Variants in ARHGAP15 observed in about 807,000 individuals in gnomAD.
The protein encoded by ARHGAP15 is Rho GTPase activating protein 15.
ARHGAP15 carries 51 observed loss-of-function variants against 63.7 expected under a neutral mutation model. The observed-to-expected ratio is 0.80, with a 90% CI of 0.64 to 1.01. The LOEUF (loss-of-function observed/expected upper bound fraction) is 1.01. Ranked by LOEUF, ARHGAP15 falls within the 50% of genes least tolerant of loss-of-function variation. ARHGAP15 has a pLI of 0.00. For synonymous variants in ARHGAP15, 191 were observed against 193.8 expected (o/e 0.99, Z 0.12); for missense variants, 560 against 564.6 (o/e 0.99, Z 0.08).
At chr2:143,318,621 A>G (rs1356710996) in intron 6 of ARHGAP15, among the ~76,000 whole-genome samples, 2 of 149,576 alleles carry the variant, frequency 1.3e-5, no homozygotes, top group Admixed American at 6.7e-5. Flanking sequence ...TTACAGGCAC[A>G]AGTCTTTTAA....
intron 10 of ARHGAP15, among the ~76,000 whole-genome samples, chr2:143,521,254 T>C (rs1167391659): frequency 6.6e-6 from 1 of 152,160 alleles, no homozygotes; most frequent in Non-Finnish European, 1.5e-5. Context: ...AGCATCAGCT[T>C]AAAGGAACCC....
At chr2:143,605,119 G>A (rs1329393125) in intron 11 of ARHGAP15, among the ~76,000 whole-genome samples, 1 of 152,070 alleles carries the variant, frequency 6.6e-6, no homozygotes, top group Non-Finnish European at 1.5e-5. Context: ...ATGTTGGCCA[G>A]GTGGGTCTTG....
chr2:143,316,590 TATATATATTTTA>T (rs1047768971), intron 6 of ARHGAP15, among the ~76,000 whole-genome samples: 1 of 146,034 alleles, frequency 6.8e-6, no homozygotes, highest in Admixed American at 7.1e-5. Flanking sequence ...ATATATATGT[TATATATATTTTA>T]ATATATATAA....
At chr2:143,459,512 G>C (rs1267446131) in intron 8 of ARHGAP15, among the ~76,000 whole-genome samples, 2 of 152,024 alleles carry the variant, frequency 1.3e-5, no homozygotes, top group African/African-American at 4.8e-5. Flanking sequence ...TAATCATGTA[G>C]ATATAAAAGC....
chr2:143,463,657 T>A (rs1335640387), intron 8 of ARHGAP15, among the ~76,000 whole-genome samples: 1 of 152,194 alleles, frequency 6.6e-6, no homozygotes, highest in Non-Finnish European at 1.5e-5. Context: ...TTACTGGTAG[T>A]GGTACTGCTT....
At chr2:143,516,050 A>C (rs140531689) in intron 9 of ARHGAP15, among the ~76,000 whole-genome samples, 1 of 152,214 alleles carries the variant, frequency 6.6e-6, no homozygotes, top group Non-Finnish European at 1.5e-5. Context: ...GAAGGGAAGC[A>C]CTCAAGGCTG....
rs35469918 is a variant in ARHGAP15, at chr2:143,510,018, T to TAAAAAAA, written c.827-9225_827-9219dup. On this transcript the variant is annotated intron_variant, in intron 9 of 13. Coordinates refer to ENST00000295095, the MANE Select transcript of ARHGAP15 (RefSeq NM_018460.4). ...CTGGCGACAGAGTAAGACTCCCTCTTAAAAAAAAAAAAAAAAAAAAAAAAA... is the reference window on the plus strand; with the variant it reads ...CTGGCGACAGAGTAAGACTCCCTCTTAAAAAAAAAAAAAAAAAAAAAAAAAAAAAAAA... Among the ~76,000 whole-genome samples the TAAAAAAA allele has an allele frequency of 1.9e-3, 91 of 48,826 alleles. 2 individuals are homozygous for TAAAAAAA. Among genetic ancestry groups the TAAAAAAA allele is most frequent in the African/African-American group, 5.6e-3 (72 of 12,782 alleles). 32.0% of individuals were successfully genotyped at this position (48,826 alleles called of 152,430 possible). A position where few individuals can be genotyped will look rare whatever the true frequency, so the allele number is the denominator to read the frequency against.
At chr2:143,367,374 C>A (rs1265686301) in intron 6 of ARHGAP15, among the ~76,000 whole-genome samples, 2 of 151,746 alleles carry the variant, frequency 1.3e-5, no homozygotes, top group Non-Finnish European at 2.9e-5. Context: ...CTTTATTTGC[C>A]ATCTTTCCTT....
At chr2:143,286,653 T>C (rs1682118238) in intron 6 of ARHGAP15, among the ~76,000 whole-genome samples, 1 of 152,158 alleles carries the variant, frequency 6.6e-6, no homozygotes, top group Non-Finnish European at 1.5e-5. Context: ...AAAGAGAATC[T>C]CAGTAACTAT....
At chr2:143,741,733 G>A (rs796602641) in intron 13 of ARHGAP15, among the ~76,000 whole-genome samples, 9 of 152,338 alleles carry the variant, frequency 5.9e-5, no homozygotes, top group African/African-American at 2.2e-4. Flanking sequence ...CAGGCAGCCT[G>A]GAGACTTGAG....
rs751971221 is a variant in ARHGAP15, at chr2:143,487,418, G to A, written c.749G>A (p.Arg250Gln). The A allele has an allele frequency of 1.2e-5, 20 of 1,613,536 alleles. No individual in the cohort carries two copies. The highest frequency in any genetic ancestry group is 1.1e-4 in the East Asian group (5 of 44,852). Reference sequence around the variant, plus strand: ...GCTTCCGATACAAGCGACAAAAATCGAGTTAAAAGCAGATTAAAGAAGTTT... The same window carrying A: ...GCTTCCGATACAAGCGACAAAAATCAAGTTAAAAGCAGATTAAAGAAGTTT... ...HSASDTSDKNRVKSRLKKFIT... is the reference protein window; with the variant it reads ...HSASDTSDKNQVKSRLKKFIT... Residue 250 changes from arginine to glutamine, a missense_variant, in exon 9 of 14, where the codon CGA becomes CAA. By Grantham distance (43) the Arg-to-Gln change is conservative. Transcript: ENST00000295095.
Position 143,173,316 on chromosome 2 carries a change from A to G in ARHGAP15, c.165+17661A>G, listed in dbSNP as rs370135316. ...GTAGTATTTATAATTATATATTTAA[A>G]TGTATGTTTTGATAAAAACTAAGCA... On this transcript the variant is annotated intron_variant, in intron 2 of 13. Coordinates refer to ENST00000295095, the MANE Select transcript of ARHGAP15 (RefSeq NM_018460.4). Among the ~76,000 whole-genome samples the G allele has an allele frequency of 1.7e-4, 26 of 152,214 alleles. No homozygotes were observed. The East Asian group carries it at 4.6e-3, about 27-fold the overall frequency.
chr2:143,434,643 A>G (rs1396781028), intron 6 of ARHGAP15, among the ~76,000 whole-genome samples: 1 of 152,168 alleles, frequency 6.6e-6, no homozygotes, highest in East Asian at 1.9e-4. Flanking sequence ...TCAGTCCTCT[A>G]AACCCCTGAA....
intron 10 of ARHGAP15, among the ~76,000 whole-genome samples, chr2:143,552,195 T>G (rs2105076387): frequency 6.6e-6 from 1 of 152,296 alleles, no homozygotes; most frequent in South Asian, 2.1e-4. Flanking sequence ...ATTTGCAGAC[T>G]GTAGAGGTTC....
At position 143,703,521 on chromosome 2, in the gene ARHGAP15, C is replaced by G. The variant is rs199902781; in HGVS notation, c.1241C>G (p.Thr414Ser). The G allele has an allele frequency of 1.2e-4, 188 of 1,603,156 alleles. No homozygotes were observed. The highest frequency in any genetic ancestry group is 1.7e-4 in the Middle Eastern group (1 of 6,032). The change falls in exon 13 of 14, where the codon ACT becomes AGT. Residue 414 changes from threonine to serine, a missense_variant. Physicochemically the swap from Thr to Ser is moderately conservative, Grantham distance 58. Transcript: ENST00000295095. ...ATGAAAGTCCTCTTTGGACATCTAACTAAGTAAGTTGTAAGGATTTCTGGA... is the reference window on the plus strand; with the variant it reads ...ATGAAAGTCCTCTTTGGACATCTAAGTAAGTAAGTTGTAAGGATTTCTGGA... ...DTMKVLFGHL[T>S]KIVAKASKNL... is the part of the protein sequence containing the mutation.
intron 2 of ARHGAP15, among the ~76,000 whole-genome samples, chr2:143,171,581 G>T (rs936227653): frequency 7.2e-5 from 11 of 152,080 alleles, no homozygotes; most frequent in Admixed American, 5.9e-4. Flanking sequence ...CGACAACCAG[G>T]CTGGGAAAGT....
chr2:143,308,157 G>T (rs1350660870), intron 6 of ARHGAP15, among the ~76,000 whole-genome samples: 3 of 152,060 alleles, frequency 2.0e-5, no homozygotes, highest in Non-Finnish European at 4.4e-5. Context: ...GAGAGAAACA[G>T]AATGGGAATG....
At chr2:143,526,101 G>A (rs1181860977) in intron 10 of ARHGAP15, among the ~76,000 whole-genome samples, 1 of 152,118 alleles carries the variant, frequency 6.6e-6, no homozygotes, top group Non-Finnish European at 1.5e-5. Context: ...CACAAACTCT[G>A]TATACGGAGC....
In ARHGAP15 at chr2:143,227,034, A is replaced by G. The variant is rs192742070; in HGVS notation, c.297-1547A>G. Reference sequence around the variant, plus strand: ...ATAAAGTCTTTCCATAAACTTAAAAAAAAATCACTTTTGTGAAATGAATTC... The same window carrying G: ...ATAAAGTCTTTCCATAAACTTAAAAGAAAATCACTTTTGTGAAATGAATTC... On this transcript the variant is annotated intron_variant, in intron 4 of 13. Coordinates refer to ENST00000295095, the MANE Select transcript of ARHGAP15 (RefSeq NM_018460.4). 2.3e-4 allele frequency among the ~76,000 whole-genome samples: 35 copies of G among 152,356 alleles called. No individual in the cohort carries two copies. The East Asian group carries it at 6.2e-3, about 27-fold the overall frequency.
Sources: gnomAD v4.1 joint callset for allele counts (sites outside exome capture counted in the v4.1 genomes callset) on GRCh38, gnomAD v4.1.1 for gene constraint, MANE v1.5 for transcripts, NCBI Gene and HGNC (gene_info 2026-07-23, HGNC 2026-07-21) for gene names.